Variants in PCDH15 observed in about 807,000 individuals in gnomAD.
The protein encoded by PCDH15 is protocadherin-15.
Under a neutral mutation model 178.5 loss-of-function variants are expected in PCDH15, and 129 were observed. The observed-to-expected ratio is 0.72, with a 90% CI of 0.63 to 0.84. The LOEUF is 0.84. PCDH15 is among the 40% of genes least tolerant of loss of function. PCDH15 has a pLI of 0.00. For missense variants in PCDH15, 2,230 were observed against 2,099.9 expected, an observed-to-expected ratio of 1.06 and a Z score of -1.21; for synonymous variants, 800 against 732.0, an observed-to-expected ratio of 1.09 and a Z score of -1.50.
At chr10:54,132,125 A>G (rs1231373731) in intron 15 of PCDH15, among the ~76,000 whole-genome samples, 2 of 152,186 alleles carry the variant, frequency 1.3e-5, no homozygotes, top group Non-Finnish European at 2.9e-5. Context: ...GAACATTCAT[A>G]TAGAAAATAG....
intron 2 of PCDH15, among the ~76,000 whole-genome samples, chr10:54,937,894 G>C (rs1247069565): frequency 6.6e-6 from 1 of 151,976 alleles, no homozygotes; most frequent in Non-Finnish European, 1.5e-5. Flanking sequence ...AATGGGAATG[G>C]TAAGAGAAAA....
At chr10:55,240,454 T>G (rs1312551047) in intron 1 of PCDH15, among the ~76,000 whole-genome samples, 1 of 152,316 alleles carries the variant, frequency 6.6e-6, no homozygotes. Flanking sequence ...CTGCTGTTAT[T>G]ATTTTCAGAA....
At chr10:53,905,067 G>C (rs1470302991) in intron 25 of PCDH15, 1 of 446,520 alleles carries the variant, frequency 2.2e-6, no homozygotes, top group African/African-American at 2.0e-5. Flanking sequence ...CTTCATATCT[G>C]GATGGTAACC....
At chr10:53,987,981 T>C (rs2091220576) in intron 21 of PCDH15, among the ~76,000 whole-genome samples, 1 of 152,222 alleles carries the variant, frequency 6.6e-6, no homozygotes, top group Non-Finnish European at 1.5e-5. Context: ...TCTTAGAGAA[T>C]GGATTTACTT....
At chr10:54,830,783 A>G (rs1953212050) in intron 3 of PCDH15, among the ~76,000 whole-genome samples, 1 of 151,990 alleles carries the variant, frequency 6.6e-6, no homozygotes, top group Admixed American at 6.6e-5. Flanking sequence ...CAAAAAAAAG[A>G]AGAAAAAATG....
intron 2 of PCDH15, among the ~76,000 whole-genome samples, chr10:54,950,851 G>A (rs1452769402): frequency 6.6e-6 from 1 of 151,702 alleles, no homozygotes; most frequent in East Asian, 1.9e-4. Context: ...GTTTATATTT[G>A]TATTCTATTT....
intron 1 of PCDH15, among the ~76,000 whole-genome samples, chr10:55,269,593 C>T (rs1842387550): frequency 6.6e-6 from 1 of 151,766 alleles, no homozygotes. Context: ...AAGATCTCTA[C>T]AAGTAGAACT....
intron 1 of PCDH15, among the ~76,000 whole-genome samples, chr10:55,281,498 A>G (rs1399583283): frequency 3.3e-5 from 5 of 150,586 alleles, no homozygotes; most frequent in Non-Finnish European, 7.4e-5. Flanking sequence ...TTTCTTTGTC[A>G]CTGGCTATTT....
At chr10:55,330,032 TTTA>T (rs1003708994) in intron 2 of PCDH15, among the ~76,000 whole-genome samples, 22 of 151,818 alleles carry the variant, frequency 1.4e-4, no homozygotes, top group African/African-American at 5.3e-4. Flanking sequence ...GAACTGCCTT[TTTA>T]TTGAGACACA....
intron 2 of PCDH15, among the ~76,000 whole-genome samples, chr10:55,064,554 A>C (rs754401359): frequency 5.9e-5 from 9 of 152,064 alleles, no homozygotes; most frequent in Non-Finnish European, 1.3e-4. Flanking sequence ...ATAAGTGTCT[A>C]GTTTCTGCAC....
chr10:53,853,442 T>G (rs571896438), intron 28 of PCDH15, among the ~76,000 whole-genome samples: 1 of 152,116 alleles, frequency 6.6e-6, no homozygotes, highest in African/African-American at 2.4e-5. Context: ...CTTTAAAACT[T>G]TTTGCCCAAT....
At position 54,731,541 on chromosome 10, in the gene PCDH15, G is replaced by GATATATATAT. The variant is rs1227921777; in HGVS notation, c.-28-67252_-28-67251insATATATATAT. 2.6e-3 allele frequency among the ~76,000 whole-genome samples: 181 copies of GATATATATAT among 68,322 alleles called. 15 individuals carry two copies. Among genetic ancestry groups the GATATATATAT allele is most frequent in the African/African-American group, 6.8e-3 (112 of 16,400 alleles). The allele number at this position is 68,322 out of a possible 152,430, so 44.8% of individuals were successfully genotyped here. On this transcript the variant is annotated intron_variant, in intron 1 of 37. Coordinates refer to ENST00000644397, the MANE Select transcript of PCDH15 (RefSeq NM_001384140.1). ...CCATCAATGAATAAAGAAAATGTGA[G>GATATATATAT]ATAGATATATATATATATATATACA... is the stretch of plus-strand genomic sequence containing the variant.
intron 2 of PCDH15, among the ~76,000 whole-genome samples, chr10:54,620,753 T>C (rs900823120): frequency 6.6e-6 from 1 of 152,046 alleles, no homozygotes; most frequent in Non-Finnish European, 1.5e-5. Context: ...TAGGATTGTC[T>C]GTATTTTGCA....
At chr10:54,456,191 C>T (rs1334555892) in intron 3 of PCDH15, among the ~76,000 whole-genome samples, 1 of 152,114 alleles carries the variant, frequency 6.6e-6, no homozygotes, top group African/African-American at 2.4e-5. Flanking sequence ...CCATCCACAG[C>T]TTGCACTGTG....
chr10:54,357,977 C>G (rs1212688299), intron 5 of PCDH15, among the ~76,000 whole-genome samples: 2 of 151,916 alleles, frequency 1.3e-5, no homozygotes, highest in Admixed American at 1.3e-4. Context: ...AAAGCTGAAA[C>G]TGGATCCCTT....
chr10:54,901,991 C>G (rs1954645729), intron 2 of PCDH15, among the ~76,000 whole-genome samples: 1 of 69,038 alleles, frequency 1.4e-5, no homozygotes, highest in Non-Finnish European at 2.7e-5. Flanking sequence ...CATATTGATA[C>G]ATTCCATTCA....
chr10:54,741,718 C>T (rs1944831381), intron 1 of PCDH15, among the ~76,000 whole-genome samples: 1 of 152,000 alleles, frequency 6.6e-6, no homozygotes, highest in Non-Finnish European at 1.5e-5. Context: ...GCTCATGGCT[C>T]ATGGCCCCCT....
intron 15 of PCDH15, among the ~76,000 whole-genome samples, chr10:54,109,594 AC>A (rs1385721392): frequency 6.6e-6 from 1 of 152,220 alleles, no homozygotes; most frequent in East Asian, 1.9e-4. Flanking sequence ...GCACAGAAAG[AC>A]AAACTTTGCA....
At chr10:55,428,097 C>T (rs1838798956) in intron 2 of PCDH15, among the ~76,000 whole-genome samples, 1 of 151,964 alleles carries the variant, frequency 6.6e-6, no homozygotes, top group Non-Finnish European at 1.5e-5. Context: ...TTTCTACAAA[C>T]ATTCAGAGAT....
Sources: gnomAD v4.1 joint callset for allele counts (sites outside exome capture counted in the v4.1 genomes callset) on GRCh38, gnomAD v4.1.1 for gene constraint, MANE v1.5 for transcripts, NCBI Gene and HGNC (gene_info 2026-07-23, HGNC 2026-07-21) for gene names.